FNIP2: variants seen among roughly 807,000 people sequenced by gnomAD.
FNIP2 encodes the protein folliculin interacting protein 2.
Under a neutral mutation model 108.7 loss-of-function variants are expected in FNIP2, and 32 were observed. That is an observed-to-expected ratio of 0.29 (90% CI 0.22 to 0.40). FNIP2 has a LOEUF of 0.40. Ranked by LOEUF, FNIP2 falls within the 10% of genes least tolerant of loss-of-function variation. FNIP2 has a pLI of 1.00. For synonymous variants in FNIP2, 480 were observed against 496.7 expected (o/e 0.97, Z 0.45); for missense variants, 1,202 against 1,381.6 (o/e 0.87, Z 2.06).
intron 2 of FNIP2, among the ~76,000 whole-genome samples, chr4:158,827,704 G>C (rs1350372887): frequency 6.6e-6 from 1 of 152,200 alleles, no homozygotes; most frequent in East Asian, 1.9e-4. Flanking sequence ...TTAGCGTGTT[G>C]AGGGAGTGCT....
rs397805773 is a variant in FNIP2, at chr4:158,785,087, C to CTTTTTTTT, written c.107+15778_107+15785dup. 7.9e-4 allele frequency among the ~76,000 whole-genome samples: 97 copies of CTTTTTTTT among 123,160 alleles called. 6 individuals carry two copies. The highest frequency in any genetic ancestry group is 3.5e-3 in the East Asian group (16 of 4,628). The allele number at this position is 123,160 out of a possible 152,430, so 80.8% of individuals were successfully genotyped here. A position where few individuals can be genotyped will look rare whatever the true frequency, so the allele number is the denominator to read the frequency against. On this transcript the variant is annotated intron_variant, in intron 1 of 16. Transcript: ENST00000264433. ...TTATTAGCCAGTATATAAAGTTCCT[C>CTTTTTTTT]TTTTTTTTTTTTTTTTTGAGCCAGA...
At chr4:158,812,023 G>C (rs1215487686) in intron 1 of FNIP2, among the ~76,000 whole-genome samples, 1 of 152,202 alleles carries the variant, frequency 6.6e-6, no homozygotes, top group Non-Finnish European at 1.5e-5. Flanking sequence ...GATTCAGAAA[G>C]TAAATGATCC....
intron 2 of FNIP2, among the ~76,000 whole-genome samples, chr4:158,827,871 T>C (rs1472925829): frequency 6.6e-6 from 1 of 152,134 alleles, no homozygotes; most frequent in Non-Finnish European, 1.5e-5. Context: ...CATGAGTTTG[T>C]ATCAAGCACA....
In FNIP2 at chr4:158,865,668, A is replaced by G. The variant is rs1213124794; in HGVS notation, c.1466-2434A>G. On this transcript the variant is annotated intron_variant, in intron 12 of 16. Transcript: ENST00000264433. ...ATTAATATTGAAACTGATTTAACAA[A>G]AAATATTTCATGAATTCCTGAAATG... Among the ~76,000 whole-genome samples, 3 of 152,240 alleles carry G rather than the reference A, an allele frequency of 2.0e-5. No homozygotes were observed. The East Asian group carries it at 5.8e-4, about 29-fold the overall frequency.
At chr4:158,877,436 C>T (rs185236236) in intron 14 of FNIP2, among the ~76,000 whole-genome samples, 1 of 152,238 alleles carries the variant, frequency 6.6e-6, no homozygotes, top group Non-Finnish European at 1.5e-5. Flanking sequence ...TTTTCCTCTT[C>T]CTCTTGTTTA....
rs1362262325 is a variant in FNIP2 at position 158,833,475 on chromosome 4, C to T, written c.555-53C>T. The T allele has an allele frequency of 7.2e-6, 8 of 1,114,152 alleles. No individual in the cohort carries two copies. The South Asian group carries it at 1.1e-4, about 15-fold the overall frequency. 69.0% of individuals were successfully genotyped at this position (1,114,152 alleles called of 1,614,324 possible). ...GTCTATTAGAAAACAGCTTTAGTAG[C>T]TTCTTGACGTTTTTGTCCTCTTTCT... On this transcript the variant is annotated intron_variant, in intron 5 of 16. Transcript: ENST00000264433.
At chr4:158,806,607 A>T (rs897544952) in intron 1 of FNIP2, among the ~76,000 whole-genome samples, 1 of 152,184 alleles carries the variant, frequency 6.6e-6, no homozygotes, top group Non-Finnish European at 1.5e-5. Flanking sequence ...AGATGTAAGC[A>T]TGGGTATTTT....
intron 1 of FNIP2, among the ~76,000 whole-genome samples, chr4:158,818,309 T>A (rs1464561399): frequency 6.6e-6 from 1 of 152,238 alleles, no homozygotes; most frequent in African/African-American, 2.4e-5. Context: ...ACTAACCTAC[T>A]TACACATAAA....
chr4:158,803,313 C>G (rs1031902460), intron 1 of FNIP2, among the ~76,000 whole-genome samples: 11 of 152,280 alleles, frequency 7.2e-5, no homozygotes, highest in Middle Eastern at 3.4e-3. Context: ...TATTTAAGAG[C>G]AGGCACCCAG....
At chr4:158,888,155 G>A (rs1480061481) in intron 14 of FNIP2, among the ~76,000 whole-genome samples, 1 of 152,212 alleles carries the variant, frequency 6.6e-6, no homozygotes, top group African/African-American at 2.4e-5. Context: ...TTTAAAAGGT[G>A]TTTATTCTTT....
At chr4:158,888,875 CA>C (rs199499786) in intron 14 of FNIP2, among the ~76,000 whole-genome samples, 451 of 100,656 alleles carry the variant, frequency 4.5e-3, no homozygotes, top group Middle Eastern at 5.3e-3. Flanking sequence ...AAGACTGTCT[CA>C]AAAAAAAAAA....
chr4:158,879,095 A>G (rs931198052), intron 14 of FNIP2, among the ~76,000 whole-genome samples: 1 of 150,334 alleles, frequency 6.7e-6, no homozygotes, highest in Non-Finnish European at 1.5e-5. Context: ...CATATGCAGA[A>G]AGAGAATAGA....
intron 7 of FNIP2, among the ~76,000 whole-genome samples, chr4:158,843,234 G>A (rs1230488380): frequency 1.3e-5 from 2 of 152,000 alleles, no homozygotes; most frequent in African/African-American, 2.4e-5. Context: ...TGAAGACAGG[G>A]GAAAAAAGAA....
At chr4:158,786,743 G>A (rs1292039801) in intron 1 of FNIP2, among the ~76,000 whole-genome samples, 1 of 151,418 alleles carries the variant, frequency 6.6e-6, no homozygotes, top group Non-Finnish European at 1.5e-5. Flanking sequence ...TGAGATTTTT[G>A]TTCCCTGTTT....
intron 3 of FNIP2, among the ~76,000 whole-genome samples, 155 bp from the exon 4 acceptor site, chr4:158,831,706 C>T (rs886437501): frequency 9.9e-5 from 15 of 152,062 alleles, no homozygotes; most frequent in African/African-American, 3.6e-4. Context: ...AATAGGCAAT[C>T]GCCATTATAA....
intron 14 of FNIP2, among the ~76,000 whole-genome samples, chr4:158,880,940 T>G: frequency 6.6e-6 from 1 of 152,192 alleles, no homozygotes; most frequent in Non-Finnish European, 1.5e-5. Context: ...AGAAGGTGAC[T>G]GTCATCACAT....
chr4:158,905,555 G>T lies in FNIP2; in HGVS notation c.*1011G>T, dbSNP rs7440175. The T allele has an allele frequency of 6.6e-6, 1 of 152,210 alleles. No individual in the cohort carries two copies. Among genetic ancestry groups the T allele is most frequent in the Non-Finnish European group, 1.5e-5 (1 of 68,008 alleles). The allele number at this position is 152,210 out of a possible 1,614,324, so 9.4% of individuals were successfully genotyped here. A position where few individuals can be genotyped will look rare whatever the true frequency, so the allele number is the denominator to read the frequency against. The stretch of plus-strand genomic sequence containing the variant: ...TGAAAGCAATTAGCTTGAACATTTA[G>T]AAAAAATTCATATATGATCTAAATT... On this transcript the variant is annotated 3_prime_UTR_variant, in exon 17 of 17. Coordinates refer to ENST00000264433, the MANE Select transcript of FNIP2 (RefSeq NM_020840.3).
chr4:158,876,890 A>G (rs1348204232), intron 14 of FNIP2, among the ~76,000 whole-genome samples: 1 of 152,172 alleles, frequency 6.6e-6, no homozygotes, highest in Non-Finnish European at 1.5e-5. Flanking sequence ...CTGTGTGTTC[A>G]TTGTCGTTAC....
intron 10 of FNIP2, 127 bp downstream of exon 10, chr4:158,859,793 A>G (rs1780180535): frequency 2.5e-6 from 2 of 788,802 alleles, no homozygotes; most frequent in Admixed American, 4.8e-5. Flanking sequence ...TCCGCCCTTC[A>G]AGATGGAAAC....
Sources: allele counts gnomAD v4.1 joint callset (sites outside exome capture counted in the v4.1 genomes callset), GRCh38; gene constraint gnomAD v4.1.1; transcripts MANE v1.5; gene names NCBI Gene and HGNC (gene_info 2026-07-23, HGNC 2026-07-21).